Variants in LRRC7 observed in about 807,000 individuals in gnomAD.
LRRC7 encodes the protein leucine-rich repeat-containing protein 7.
Under a neutral mutation model 175.7 loss-of-function variants are expected in LRRC7, and 23 were observed. The ratio of observed to expected loss-of-function variants is 0.13; its 90% confidence interval spans 0.09 to 0.19. The LOEUF is 0.19. LRRC7 is among the 10% of genes least tolerant of loss of function. The pLI is 1.00. For synonymous variants in LRRC7, 685 were observed against 680.9 expected, an observed-to-expected ratio of 1.01 and a Z score of -0.09; for missense variants, 1,354 against 1,904.7, an observed-to-expected ratio of 0.71 and a Z score of 5.38.
chr1:70,025,162 T>TA (rs1657952965), intron 17 of LRRC7, among the ~76,000 whole-genome samples: 1 of 151,790 alleles, frequency 6.6e-6, no homozygotes, highest in South Asian at 2.1e-4. Flanking sequence ...TTTCTTTCTG[T>TA]AAAGTGGCAA....
At chr1:69,630,837 A>G (rs894787895) in intron 1 of LRRC7, among the ~76,000 whole-genome samples, 2 of 152,120 alleles carry the variant, frequency 1.3e-5, no homozygotes, top group African/African-American at 4.8e-5. Context: ...AAAGAATTAG[A>G]CAAGCAACAA....
At chr1:69,939,054 A>G (rs1347665381) in intron 8 of LRRC7, among the ~76,000 whole-genome samples, 6 of 134,492 alleles carry the variant, frequency 4.5e-5, no homozygotes, top group African/African-American at 1.7e-4. Flanking sequence ...TATCTATCTC[A>G]CAGACATTGC....
intron 7 of LRRC7, among the ~76,000 whole-genome samples, chr1:69,911,593 A>T (rs1378402254): frequency 1.3e-5 from 2 of 152,214 alleles, no homozygotes; most frequent in Non-Finnish European, 2.9e-5. Flanking sequence ...AATCTCCTCC[A>T]GCAGAGTCCT....
At chr1:69,646,704 A>G (rs1169481952) in intron 1 of LRRC7, among the ~76,000 whole-genome samples, 7 of 151,680 alleles carry the variant, frequency 4.6e-5, no homozygotes, top group Non-Finnish European at 8.8e-5. Flanking sequence ...TATGATATCT[A>G]CTCCTTGGTT....
chr1:70,143,560 A>G lies in LRRC7; in HGVS notation c.*21673A>G, dbSNP rs980884580. On this transcript the variant is annotated 3_prime_UTR_variant, in exon 27 of 27. Transcript: ENST00000651989. The stretch of plus-strand genomic sequence containing the variant: ...AACCAACAAGCCACAGCAGTATAGC[A>G]AAAGAGGCTTAATCTTTATAAATTG... The G allele has an allele frequency of 6.6e-6, 1 of 152,168 alleles. No individual in the cohort carries two copies. Among genetic ancestry groups the G allele is most frequent in the Non-Finnish European group, 1.5e-5 (1 of 68,018 alleles). The allele number at this position is 152,168 out of a possible 1,614,324, so 9.4% of individuals were successfully genotyped here. A position where few individuals can be genotyped will look rare whatever the true frequency, so the allele number is the denominator to read the frequency against.
intron 4 of LRRC7, among the ~76,000 whole-genome samples, chr1:69,801,381 T>C (rs975348565): frequency 6.6e-6 from 1 of 151,686 alleles, no homozygotes; most frequent in Admixed American, 6.6e-5. Context: ...TTATTACTGA[T>C]TCTATCTCAC....
intron 2 of LRRC7, among the ~76,000 whole-genome samples, chr1:69,712,991 C>T (rs951870525): frequency 1.7e-4 from 26 of 152,144 alleles, no homozygotes; most frequent in African/African-American, 6.3e-4. Flanking sequence ...AATGGCGAAT[C>T]TCCCTGAACG....
chr1:69,808,158 A>G (rs778017062), intron 4 of LRRC7, among the ~76,000 whole-genome samples: 6 of 151,600 alleles, frequency 4.0e-5, no homozygotes, highest in Non-Finnish European at 7.4e-5. Flanking sequence ...CAGGTCATTT[A>G]TGTTCTTCTC....
rs570744339 is a variant in LRRC7 at position 70,143,867 on chromosome 1, AGAC to A, written c.*21981_*21983del. The stretch of plus-strand genomic sequence containing the variant: ...ATTGTCATTTTTGTATGTGTTAAAA[AGAC>A]TACTATATCACAATTAAAAGTACTT... On this transcript the variant is annotated 3_prime_UTR_variant, in exon 27 of 27. Transcript: ENST00000651989. The A allele has an allele frequency of 2.0e-5, 3 of 152,286 alleles. No homozygotes were observed. The highest frequency in any genetic ancestry group is 2.1e-4 in the South Asian group (1 of 4,828). 9.4% of individuals were successfully genotyped at this position (152,286 alleles called of 1,614,324 possible).
intron 7 of LRRC7, among the ~76,000 whole-genome samples, chr1:69,880,864 G>GA (rs569703776): frequency 2.6e-5 from 4 of 151,724 alleles, no homozygotes; most frequent in African/African-American, 7.3e-5. Context: ...GTATTTTCCA[G>GA]AAAAAAAAGA....
chr1:70,012,020 G>A (rs1284744732), intron 12 of LRRC7, 94 bp downstream of exon 12: 2 of 792,094 alleles, frequency 2.5e-6, no homozygotes, highest in Non-Finnish European at 4.0e-6. Flanking sequence ...AGATTCATGA[G>A]TTGAGCTGTG....
chr1:69,968,052 A>G (rs1033411335), intron 8 of LRRC7, among the ~76,000 whole-genome samples: 1 of 152,156 alleles, frequency 6.6e-6, no homozygotes, highest in East Asian at 1.9e-4. Context: ...AAATCAAAAA[A>G]ATGATACAAG....
intron 11 of LRRC7, among the ~76,000 whole-genome samples, chr1:70,005,986 C>CT (rs545297019): frequency 8.4e-4 from 124 of 148,176 alleles, no homozygotes; most frequent in South Asian, 5.2e-3. Flanking sequence ...AACCTTTGGT[C>CT]TTTTTTTTTT....
intron 7 of LRRC7, among the ~76,000 whole-genome samples, chr1:69,840,969 G>A (rs1354758092): frequency 2.0e-5 from 3 of 152,062 alleles, no homozygotes; most frequent in Non-Finnish European, 2.9e-5. Flanking sequence ...TAGATGTCAA[G>A]GGAAAACCAA....
intron 1 of LRRC7, among the ~76,000 whole-genome samples, chr1:69,672,251 T>C (rs1210634919): frequency 6.7e-6 from 1 of 148,392 alleles, no homozygotes; most frequent in African/African-American, 2.4e-5. Context: ...TTAATACATT[T>C]TTTTAAAAAA....
At chr1:70,086,057 G>A (rs965377940) in intron 24 of LRRC7, among the ~76,000 whole-genome samples, 1 of 152,054 alleles carries the variant, frequency 6.6e-6, no homozygotes, top group Non-Finnish European at 1.5e-5. Flanking sequence ...TTTTAACAAG[G>A]AGTCATCGTA....
chr1:69,981,093 C>T (rs1212541326), intron 9 of LRRC7, among the ~76,000 whole-genome samples: 3 of 152,070 alleles, frequency 2.0e-5, no homozygotes, highest in East Asian at 3.9e-4. Context: ...TCCCATAAAA[C>T]GCTGCCCCTT....
intron 3 of LRRC7, among the ~76,000 whole-genome samples, chr1:69,763,390 A>G (rs1473187793): frequency 6.6e-6 from 1 of 152,102 alleles, no homozygotes; most frequent in Admixed American, 6.6e-5. Context: ...AGGACAAAAT[A>G]TGTCTCCCCT....
intron 2 of LRRC7, among the ~76,000 whole-genome samples, chr1:69,755,850 C>T (rs942428216): frequency 4.6e-5 from 7 of 151,862 alleles, no homozygotes; most frequent in African/African-American, 1.7e-4. Flanking sequence ...TTACCCTGCA[C>T]TAAAACCTAT....
Sources: gnomAD v4.1 joint callset for allele counts (sites outside exome capture counted in the v4.1 genomes callset) on GRCh38, gnomAD v4.1.1 for gene constraint, MANE v1.5 for transcripts, NCBI Gene and HGNC (gene_info 2026-07-23, HGNC 2026-07-21) for gene names.